Variants in RBFOX1 observed in about 807,000 individuals in gnomAD.
The protein encoded by RBFOX1 is RNA binding protein fox-1 homolog 1.
Under a neutral mutation model 57.7 loss-of-function variants are expected in RBFOX1, and 8 were observed. That is an observed-to-expected ratio of 0.14 (90% CI 0.08 to 0.25). The LOEUF (loss-of-function observed/expected upper bound fraction) is 0.25, where lower values mean the gene tolerates loss of function less well. RBFOX1 is among the 10% of genes least tolerant of loss of function. RBFOX1 has a pLI of 1.00. For synonymous variants in RBFOX1, 326 were observed against 222.4 expected (o/e 1.47, Z -4.15); for missense variants, 611 against 548.5 (o/e 1.11, Z -1.14).
intron 4 of RBFOX1, among the ~76,000 whole-genome samples, chr16:7,304,656 C>T (rs1053876957): frequency 6.6e-6 from 1 of 152,144 alleles, no homozygotes; most frequent in African/African-American, 2.4e-5. Flanking sequence ...GCCCGGGCAC[C>T]TCGCGCTGAG....
chr16:6,236,793 T>A (rs1447352094), intron 1 of RBFOX1, among the ~76,000 whole-genome samples: 1 of 152,110 alleles, frequency 6.6e-6, no homozygotes. Flanking sequence ...GTGTGTTATG[T>A]CCACACGTTT....
intron 3 of RBFOX1, among the ~76,000 whole-genome samples, chr16:6,909,008 C>T (rs2070838716): frequency 6.6e-6 from 1 of 152,126 alleles, no homozygotes; most frequent in Non-Finnish European, 1.5e-5. Context: ...GCTTAGACTT[C>T]CATTTCTGTA....
At chr16:7,631,562 C>A (rs1186266501) in intron 11 of RBFOX1, among the ~76,000 whole-genome samples, 1 of 152,124 alleles carries the variant, frequency 6.6e-6, no homozygotes, top group South Asian at 2.1e-4. Context: ...GTGTGTAAAT[C>A]CTGTGGAGTT....
At chr16:5,637,517 T>C (rs1596538873) in intron 3 of RBFOX1, among the ~76,000 whole-genome samples, 1 of 152,334 alleles carries the variant, frequency 6.6e-6, no homozygotes, top group East Asian at 1.9e-4. Flanking sequence ...ATGTGCTTAG[T>C]GTGATGCACC....
intron 5 of RBFOX1, among the ~76,000 whole-genome samples, chr16:7,531,440 A>G (rs11648978): frequency 0.056 from 8,514 of 152,258 alleles, 324 homozygotes; most frequent in South Asian, 0.13. Context: ...AGGGACTATA[A>G]TTAACCCCTT....
At chr16:6,820,307 A>T (rs2091042649) in intron 3 of RBFOX1, among the ~76,000 whole-genome samples, 1 of 152,178 alleles carries the variant, frequency 6.6e-6, no homozygotes, top group African/African-American at 2.4e-5. Flanking sequence ...ATAGACTAAT[A>T]CGTCCTCTTA....
chr16:6,107,717 A>G (rs2096398511), intron 1 of RBFOX1, among the ~76,000 whole-genome samples: 1 of 20,564 alleles, frequency 4.9e-5, no homozygotes, highest in African/African-American at 2.9e-4. Context: ...GGATGGATGG[A>G]TTTGTGGGTG....
chr16:6,399,538 A>G (rs1042491931), intron 2 of RBFOX1, among the ~76,000 whole-genome samples: 2 of 152,028 alleles, frequency 1.3e-5, no homozygotes, highest in Admixed American at 6.6e-5. Flanking sequence ...TTCATTGTCC[A>G]TTTCACCATC....
At chr16:6,031,194 A>G (rs938459098) in intron 1 of RBFOX1, among the ~76,000 whole-genome samples, 19 of 152,174 alleles carry the variant, frequency 1.2e-4, no homozygotes, top group Non-Finnish European at 2.1e-4. Flanking sequence ...CCAAGCTGTG[A>G]CCAGTGGGGA....
Position 6,676,678 on chromosome 16 carries a change from T to C in RBFOX1, c.-16+22028T>C, listed in dbSNP as rs552726604. On this transcript the variant is annotated intron_variant, in intron 3 of 15. Transcript: ENST00000550418. The stretch of plus-strand genomic sequence containing the variant: ...TTTCTTTTTGTTTTTCTTTTCTTTT[T>C]TTTTTTTTTTTTTTGAGACAAAGTC... Among the ~76,000 whole-genome samples, 141 of 144,614 alleles carry C rather than the reference T, an allele frequency of 9.8e-4. 1 individual carries two copies. In the South Asian group the frequency reaches 9.9e-3, roughly 10 times the overall value. 94.9% of individuals were successfully genotyped at this position (144,614 alleles called of 152,430 possible).
intron 12 of RBFOX1, among the ~76,000 whole-genome samples, chr16:7,660,945 C>T (rs1370601180): frequency 6.6e-6 from 1 of 152,190 alleles, no homozygotes; most frequent in African/African-American, 2.4e-5. Context: ...TCAGTTTCTA[C>T]ATGTCTAAAG....
In RBFOX1 at chr16:6,536,790, C is replaced by G. The variant is rs374958376; in HGVS notation, c.-63-117813C>G. On this transcript the variant is annotated intron_variant, in intron 2 of 15. Transcript: ENST00000550418. ...GATTAACAATACAAGAAGTTAGTAA[C>G]ATTGATCTGTCATGGCCAAGTTCAG... 7.9e-5 allele frequency among the ~76,000 whole-genome samples: 12 copies of G among 152,220 alleles called. No homozygotes were observed. In the East Asian group the frequency reaches 1.9e-3, roughly 24 times the overall value.
intron 2 of RBFOX1, among the ~76,000 whole-genome samples, chr16:6,625,473 C>G (rs988273165): frequency 1.3e-5 from 2 of 152,090 alleles, no homozygotes; most frequent in Admixed American, 1.3e-4. Context: ...ATACAAAGTC[C>G]AAGCTCCTTT....
chr16:6,121,576 T>G (rs547152993), intron 1 of RBFOX1, among the ~76,000 whole-genome samples: 227 of 152,332 alleles, frequency 1.5e-3, no homozygotes, highest in African/African-American at 4.9e-3. Context: ...GCTTGTACAC[T>G]GTGCCTGCCT....
chr16:5,604,963 GT>G (rs1375395807), downstream of RBFOX1, among the ~76,000 whole-genome samples: 1 of 152,200 alleles, frequency 6.6e-6, no homozygotes, highest in African/African-American at 2.4e-5. Flanking sequence ...TTTAGCAAAA[GT>G]GATCTGTGTT....
chr16:5,500,709 G>T (rs943521936), intron 2 of RBFOX1, among the ~76,000 whole-genome samples: 1 of 152,152 alleles, frequency 6.6e-6, no homozygotes, highest in Admixed American at 6.5e-5. Context: ...ATATGGTCCC[G>T]TTGGCAAAGT....
intron 1 of RBFOX1, among the ~76,000 whole-genome samples, chr16:6,112,807 G>T (rs1201855262): frequency 6.6e-6 from 1 of 152,212 alleles, no homozygotes; most frequent in Non-Finnish European, 1.5e-5. Context: ...CGGGCATTTG[G>T]AGGATTTTGT....
intron 3 of RBFOX1, among the ~76,000 whole-genome samples, chr16:7,049,970 C>G (rs2049422897): frequency 6.6e-6 from 1 of 152,052 alleles, no homozygotes; most frequent in Non-Finnish European, 1.5e-5. Flanking sequence ...TTTTATTCAC[C>G]CCAAATAGAA....
chr16:6,003,267 C>T (rs1596382409), intron 4 of RBFOX1, among the ~76,000 whole-genome samples: 1 of 124,240 alleles, frequency 8.0e-6, no homozygotes, highest in African/African-American at 3.1e-5. Flanking sequence ...CGACAGAGAG[C>T]AAGACTCTGT....
Sources: allele counts gnomAD v4.1 joint callset (sites outside exome capture counted in the v4.1 genomes callset), GRCh38; gene constraint gnomAD v4.1.1; transcripts MANE v1.5; gene names NCBI Gene and HGNC (gene_info 2026-07-23, HGNC 2026-07-21).